Variants in TMPRSS11F observed in about 807,000 individuals in gnomAD.
TMPRSS11F encodes the protein transmembrane protease serine 11F.
Under a neutral mutation model 60.2 loss-of-function variants are expected in TMPRSS11F, and 47 were observed. The ratio of observed to expected loss-of-function variants is 0.78; its 90% CI spans 0.62 to 1.00. The LOEUF is 1.00. Ranked by LOEUF, TMPRSS11F falls within the 50% of genes least tolerant of loss-of-function variation. TMPRSS11F has a pLI of 0.00. For missense variants in TMPRSS11F, 519 were observed against 522.9 expected, an observed-to-expected ratio of 0.99 and a Z score of 0.07; for synonymous variants, 166 against 167.3, an observed-to-expected ratio of 0.99 and a Z score of 0.06.
intron 1 of TMPRSS11F, among the ~76,000 whole-genome samples, chr4:68,112,850 G>C (rs902060855): frequency 1.3e-5 from 2 of 151,954 alleles, no homozygotes; most frequent in Non-Finnish European, 2.9e-5. Context: ...ATTTCCTAAA[G>C]GGCAGAATCT....
chr4:68,072,286 G>A (rs1294159447), intron 5 of TMPRSS11F, 37 bp downstream of exon 5: 29 of 1,282,562 alleles, frequency 2.3e-5, no homozygotes, highest in Non-Finnish European at 2.9e-5. Flanking sequence ...TAAGAGGAGG[G>A]AATGACAAAA....
chr4:68,075,763 G>A (rs904055557), intron 3 of TMPRSS11F, among the ~76,000 whole-genome samples: 1 of 152,118 alleles, frequency 6.6e-6, no homozygotes, highest in Non-Finnish European at 1.5e-5. Flanking sequence ...GGGAGGCCAA[G>A]GCGGGTGGAT....
At chr4:68,063,937 C>CG (rs548866748) in intron 8 of TMPRSS11F, among the ~76,000 whole-genome samples, 1 of 151,882 alleles carries the variant, frequency 6.6e-6, no homozygotes, top group Non-Finnish European at 1.5e-5. Context: ...ATTACATTTG[C>CG]GATTTAAATT....
intron 3 of TMPRSS11F, among the ~76,000 whole-genome samples, chr4:68,082,780 A>G (rs1164806953): frequency 6.6e-6 from 1 of 152,234 alleles, no homozygotes; most frequent in Non-Finnish European, 1.5e-5. Flanking sequence ...CAGAACACTG[A>G]GAAGAGTGAG....
At chr4:68,115,867 A>G (rs1435706131) in intron 1 of TMPRSS11F, among the ~76,000 whole-genome samples, 6 of 152,156 alleles carry the variant, frequency 3.9e-5, no homozygotes, top group African/African-American at 1.4e-4. Context: ...ATCAAATAAA[A>G]CCTTAAAAAT....
intron 3 of TMPRSS11F, 119 bp downstream of exon 3, chr4:68,090,404 T>C: frequency 7.2e-7 from 1 of 1,380,628 alleles, no homozygotes. Context: ...ATGACTTACA[T>C]ACTATAGTAT....
intron 2 of TMPRSS11F, among the ~76,000 whole-genome samples, chr4:68,091,960 T>G (rs1723951295): frequency 6.6e-6 from 1 of 151,992 alleles, no homozygotes; most frequent in African/African-American, 2.4e-5. Flanking sequence ...CTAATTTTTG[T>G]ATTTTTAGTA....
In TMPRSS11F at chr4:68,053,841, T is replaced by A. The variant is rs1722988625; in HGVS notation, c.*68A>T. 1 of 1,465,494 alleles carries A rather than the reference T, an allele frequency of 6.8e-7. No homozygotes were observed. 90.8% of individuals were successfully genotyped at this position (1,465,494 alleles called of 1,614,324 possible). On this transcript the variant is annotated 3_prime_UTR_variant, in exon 10 of 10. Coordinates refer to ENST00000356291, the MANE Select transcript of TMPRSS11F (RefSeq NM_207407.2). ...AGCACTAATCCAAAGTAAATGAATT[T>A]AAACAATACAAAATACGCAGGAGTA...
intron 5 of TMPRSS11F, among the ~76,000 whole-genome samples, chr4:68,070,416 G>A (rs1723432677): frequency 6.6e-6 from 1 of 152,200 alleles, no homozygotes; most frequent in Non-Finnish European, 1.5e-5. Context: ...CTAATGGCCA[G>A]TCAGAAATGG....
At chr4:68,083,305 G>A (rs555076380) in intron 3 of TMPRSS11F, among the ~76,000 whole-genome samples, 2 of 152,274 alleles carry the variant, frequency 1.3e-5, no homozygotes, top group Non-Finnish European at 2.9e-5. Context: ...ATGAGGGCAT[G>A]GTGCCAGTGA....
chr4:68,074,490 A>G (rs1370830), intron 3 of TMPRSS11F, among the ~76,000 whole-genome samples: 102,916 of 152,102 alleles, frequency 0.68, 36,687 homozygotes, highest in East Asian at 0.88. Flanking sequence ...CAAATATGGC[A>G]TCTCATCCAG....
rs772924390 is a variant in TMPRSS11F at position 68,098,927 on chromosome 4, T to C, written c.123A>G (p.Ile41Met). 3 of 1,612,538 alleles carry C rather than the reference T, an allele frequency of 1.9e-6. No individual in the cohort carries two copies. The African/African-American group carries it at 4.0e-5, about 22-fold the overall frequency. The change falls in exon 2 of 10, where the codon ATA becomes ATG. Residue 41 changes from isoleucine to methionine, a missense_variant. Coordinates refer to ENST00000356291, the MANE Select transcript of TMPRSS11F (RefSeq NM_207407.2). ...ALFTLAIVAI[I>M]GIAIGIVTHF... ...GAGTAACAATACCAATTGCAATTCCTATGATTGCTACAATTGCTAATGTGA... is the reference window on the plus strand; with the variant it reads ...GAGTAACAATACCAATTGCAATTCCCATGATTGCTACAATTGCTAATGTGA...
intron 2 of TMPRSS11F, among the ~76,000 whole-genome samples, chr4:68,096,437 A>C (rs1255775090): frequency 6.6e-6 from 1 of 152,218 alleles, no homozygotes. Flanking sequence ...AATGATACCC[A>C]AGTAGCATTG....
At chr4:68,113,490 T>G (rs1423282581) in intron 1 of TMPRSS11F, among the ~76,000 whole-genome samples, 1 of 151,194 alleles carries the variant, frequency 6.6e-6, no homozygotes, top group Non-Finnish European at 1.5e-5. Context: ...TGTATTAATA[T>G]CACACAAAAT....
chr4:68,079,847 T>C (rs145683817), intron 3 of TMPRSS11F, among the ~76,000 whole-genome samples: 40 of 152,326 alleles, frequency 2.6e-4, no homozygotes, highest in African/African-American at 9.4e-4. Flanking sequence ...TTTGAAACAA[T>C]ACTTATGGCT....
intron 1 of TMPRSS11F, among the ~76,000 whole-genome samples, chr4:68,125,387 A>G (rs1230212037): frequency 6.6e-6 from 1 of 152,144 alleles, no homozygotes; most frequent in East Asian, 1.9e-4. Context: ...TTAATAATAC[A>G]TTTTAAATAA....
At chr4:68,069,907 A>T in intron 6 of TMPRSS11F, 62 bp downstream of exon 6, 1 of 1,413,078 alleles carries the variant, frequency 7.1e-7, no homozygotes, top group Non-Finnish European at 9.5e-7. Context: ...CAACTTTTCT[A>T]TAACTTTTTT....
intron 2 of TMPRSS11F, among the ~76,000 whole-genome samples, chr4:68,094,841 T>G (rs892306726): frequency 7.1e-6 from 1 of 140,774 alleles, no homozygotes; most frequent in African/African-American, 2.4e-5. Context: ...AAATATTTCA[T>G]GCAACTCTAT....
At chr4:68,090,664 G>A (rs1349521384) in intron 2 of TMPRSS11F, 23 bp from the exon 3 acceptor site, 1 of 1,581,040 alleles carries the variant, frequency 6.3e-7, no homozygotes, top group African/African-American at 1.4e-5. Context: ...ACAAACAAAA[G>A]TCTCATGGTT....
Sources: allele counts gnomAD v4.1 joint callset (sites outside exome capture counted in the v4.1 genomes callset), GRCh38; gene constraint gnomAD v4.1.1; transcripts MANE v1.5; gene names NCBI Gene and HGNC (gene_info 2026-07-23, HGNC 2026-07-21).